RFWD3: variants seen among roughly 807,000 people sequenced by gnomAD.
RFWD3 encodes the protein E3 ubiquitin-protein ligase RFWD3.
Under a neutral mutation model 87.7 loss-of-function variants are expected in RFWD3, and 65 were observed. The ratio of observed to expected loss-of-function variants is 0.74; its 90% CI spans 0.61 to 0.91. The LOEUF is 0.91. RFWD3 is among the 40% of genes least tolerant of loss of function. The pLI is 0.00. For missense variants in RFWD3, 1,078 were observed against 938.5 expected (o/e 1.15, Z -1.94); for synonymous variants, 433 against 352.8 (o/e 1.23, Z -2.55).
rs746186531 is a variant in RFWD3, at chr16:74,636,486, T to C, written c.1286A>G (p.Gln429Arg). The change falls in exon 8 of 13, where the codon CAG becomes CGG. Residue 429 changes from glutamine to arginine, a missense_variant. Transcript: ENST00000361070. ...GTGGTACTTGTGCTTGTGCTGGCCC[T>C]GGCTGGAGGGTGAGCAGCTCAGGAC... ...AWVLSCSPSS[Q>R]GQHKHKYHFQ... is the part of the protein sequence containing the mutation. 6.2e-7 allele frequency: 1 copy of C among 1,614,104 alleles called. No individual in the cohort carries two copies. The highest frequency in any genetic ancestry group is 2.2e-5 in the East Asian group (1 of 44,872).
chr16:74,652,281 G>C (rs1960631121), intron 2 of RFWD3, among the ~76,000 whole-genome samples, 159 bp from the exon 3 acceptor site: 1 of 151,720 alleles, frequency 6.6e-6, no homozygotes, highest in Admixed American at 6.6e-5. Context: ...AAGGGGGGGA[G>C]ACTGGCCTCC....
At position 74,644,363 on chromosome 16, in the gene RFWD3, T is replaced by C. The variant is rs140028690; in HGVS notation, c.1078A>G (p.Ser360Gly). The change falls in exon 6 of 13, where the codon AGT becomes GGT. Residue 360 changes from serine (S) to glycine (G), a missense_variant and splice_region_variant. Physicochemically the swap from Ser to Gly is moderately conservative, Grantham distance 56. Transcript: ENST00000361070. ...GCCAGGCATACTCTTACCACCTACC[T>C]TTTCATGCGCTCCTGTTCACTAGTG... ...LDTSEQERMK[S>G]SLLKEQMLRK... The C allele has an allele frequency of 6.2e-7, 1 of 1,614,004 alleles. No homozygotes were observed. Among genetic ancestry groups the C allele is most frequent in the Non-Finnish European group, 8.5e-7 (1 of 1,179,954 alleles).
In RFWD3 at chr16:74,652,003, C is replaced by T. The variant is rs918463925; in HGVS notation, c.638G>A (p.Ser213Asn). ...PVSEELQVSSSSDSDSDSSAE... is the reference protein window; with the variant it reads ...PVSEELQVSSNSDSDSDSSAE... ...AGAGCTGTCACTGTCAGAATCAGAACTACTAGACACCTGCAACTCTTCAGA... is the reference window on the plus strand; with the variant it reads ...AGAGCTGTCACTGTCAGAATCAGAATTACTAGACACCTGCAACTCTTCAGA... The change falls in exon 3 of 13, where the codon AGT becomes AAT. Residue 213 changes from serine to asparagine, a missense_variant. By Grantham distance (46) the Ser-to-Asn change is conservative. Transcript: ENST00000361070. 1 of 1,613,992 alleles carries T rather than the reference C, an allele frequency of 6.2e-7. No homozygotes were observed. Among genetic ancestry groups the T allele is most frequent in the Non-Finnish European group, 8.5e-7 (1 of 1,180,012 alleles).
intron 11 of RFWD3, among the ~76,000 whole-genome samples, chr16:74,627,725 C>G (rs1958977590): frequency 6.6e-6 from 1 of 152,202 alleles, no homozygotes; most frequent in Admixed American, 6.5e-5. Flanking sequence ...ATGGGTCAGG[C>G]AGGCATTAGG....
intron 4 of RFWD3, among the ~76,000 whole-genome samples, chr16:74,646,716 G>A (rs1430286096): frequency 6.6e-6 from 1 of 152,110 alleles, no homozygotes; most frequent in Non-Finnish European, 1.5e-5. Context: ...AACTCAGGAG[G>A]TGGAAAGAAA....
At chr16:74,649,941 T>C (rs923122151) in intron 3 of RFWD3, among the ~76,000 whole-genome samples, 1 of 152,190 alleles carries the variant, frequency 6.6e-6, no homozygotes, top group Non-Finnish European at 1.5e-5. Context: ...AATTGAGCAT[T>C]GTGCAACCAC....
chr16:74,656,308 CAAAAAAAAAAAA>C (rs71158534), intron 2 of RFWD3, among the ~76,000 whole-genome samples: 1 of 64,220 alleles, frequency 1.6e-5, no homozygotes, highest in Non-Finnish European at 2.7e-5. Context: ...CTTGTCTTGC[CAAAAAAAAAAAA>C]AAAAAAAAAA....
In RFWD3 at chr16:74,624,045, C is replaced by A. The variant is rs767360542; in HGVS notation, c.2208G>T (p.Leu736Phe). 1 of 1,613,544 alleles carries A rather than the reference C, an allele frequency of 6.2e-7. No homozygotes were observed. Among genetic ancestry groups the A allele is most frequent in the Non-Finnish European group, 8.5e-7 (1 of 1,179,878 alleles). ...GCTGATCGGTCTGTAGGTCCTGGAG[C>A]AACGAGCCACTGGCAGCATCCCACA... is the stretch of plus-strand genomic sequence containing the variant. ...ALLWDAASGSLLQDLQTDQPV... is the reference protein window; with the variant it reads ...ALLWDAASGSFLQDLQTDQPV... The change falls in exon 13 of 13, where the codon TTG becomes TTT. Residue 736 changes from leucine to phenylalanine, a missense_variant. Transcript: ENST00000361070.
chr16:74,645,261 T>C (rs1006494365), intron 4 of RFWD3, among the ~76,000 whole-genome samples: 1 of 152,222 alleles, frequency 6.6e-6, no homozygotes, highest in African/African-American at 2.4e-5. Flanking sequence ...GTGGCACACA[T>C]TTCTGGAGCA....
intron 10 of RFWD3, among the ~76,000 whole-genome samples, chr16:74,629,260 T>C (rs900297022): frequency 2.0e-4 from 31 of 152,362 alleles, no homozygotes; most frequent in African/African-American, 7.0e-4. Flanking sequence ...TGCCAAAGTG[T>C]CTACTTTGCC....
chr16:74,664,141 G>T (rs1961687431), intron 1 of RFWD3, among the ~76,000 whole-genome samples: 1 of 152,136 alleles, frequency 6.6e-6, no homozygotes, highest in Admixed American at 6.6e-5. Flanking sequence ...TTGTATAGAT[G>T]GGGTTTCCCA....
At chr16:74,640,916 G>C (rs781526832) in intron 6 of RFWD3, among the ~76,000 whole-genome samples, 2 of 152,132 alleles carry the variant, frequency 1.3e-5, no homozygotes, top group African/African-American at 4.8e-5. Flanking sequence ...TCCAGCCTGG[G>C]CGACAGAGCG....
intron 2 of RFWD3, among the ~76,000 whole-genome samples, chr16:74,652,390 A>C (rs1164708414): frequency 6.6e-6 from 1 of 152,110 alleles, no homozygotes; most frequent in Non-Finnish European, 1.5e-5. Flanking sequence ...GCATCTGGCC[A>C]TATTGTCAGT....
rs948444422 is a variant in RFWD3, at chr16:74,622,870, T to A, written c.*1058A>T. ...TCACATGGGGAAGGCTTTAACTGGA[T>A]AACTGGAATGTATAAAGAACACTTA... is the stretch of plus-strand genomic sequence containing the variant. On this transcript the variant is annotated 3_prime_UTR_variant, in exon 13 of 13. Coordinates refer to ENST00000361070, the MANE Select transcript of RFWD3 (RefSeq NM_018124.4). The A allele has an allele frequency of 2.0e-5, 3 of 152,186 alleles. No individual in the cohort carries two copies. The highest frequency in any genetic ancestry group is 7.2e-5 in the African/African-American group (3 of 41,452). The allele number at this position is 152,186 out of a possible 1,614,324, so 9.4% of individuals were successfully genotyped here. A position where few individuals can be genotyped will look rare whatever the true frequency, so the allele number is the denominator to read the frequency against.
At chr16:74,648,713 T>G (rs999889790) in intron 4 of RFWD3, among the ~76,000 whole-genome samples, 6 of 151,542 alleles carry the variant, frequency 4.0e-5, no homozygotes, top group African/African-American at 1.2e-4. Flanking sequence ...CAGAGGTTAT[T>G]GTGGTGAGCT....
rs527656202 is a variant in RFWD3 at position 74,654,917 on chromosome 16, G to C, written c.519-2795C>G. Among the ~76,000 whole-genome samples the C allele has an allele frequency of 2.0e-5, 3 of 152,302 alleles. No individual in the cohort carries two copies. The South Asian group carries it at 6.2e-4, about 32-fold the overall frequency. On this transcript the variant is annotated intron_variant, in intron 2 of 12. Transcript: ENST00000361070. ...CTCTCTTTAATTCTGTGAAAGCTGA[G>C]AAGTGAGGAAGCTGCAGGAAGTTGG...
At chr16:74,637,113 A>C (rs1434299964) in intron 7 of RFWD3, among the ~76,000 whole-genome samples, 1 of 136,330 alleles carries the variant, frequency 7.3e-6, no homozygotes, top group Non-Finnish European at 1.5e-5. Flanking sequence ...GGTTTCGTTT[A>C]AAGTCCTTTA....
At chr16:74,626,584 A>G (rs774578244) in intron 11 of RFWD3, 30 bp from the exon 12 acceptor site, 28 of 1,579,376 alleles carry the variant, frequency 1.8e-5, no homozygotes, top group Non-Finnish European at 2.2e-5. Flanking sequence ...GTGCTGCACC[A>G]TGGGGACGCT....
rs1407569703 is a variant in RFWD3, at chr16:74,630,892, C to T, written c.1643G>A (p.Cys548Tyr). ...AGRPVWSCCW[C>Y]LDEANYIYAG... ...ATAGATGTAGTTAGCCTCATCAAGA[C>T]ACCAGCAACAGCTCCAGACAGGACG... is the stretch of plus-strand genomic sequence containing the variant. The change falls in exon 10 of 13, where the codon TGT (cysteine) becomes TAT (tyrosine). Residue 548 changes from cysteine (C) to tyrosine (Y), a missense_variant. By Grantham distance (194) the Cys-to-Tyr change is radical (BLOSUM62 -2). Transcript: ENST00000361070. 3 of 1,614,052 alleles carry T rather than the reference C, an allele frequency of 1.9e-6. No individual in the cohort carries two copies. The highest frequency in any genetic ancestry group is 1.3e-5 in the African/African-American group (1 of 75,040).
Sources: gnomAD v4.1 joint callset for allele counts (sites outside exome capture counted in the v4.1 genomes callset) on GRCh38, gnomAD v4.1.1 for gene constraint, MANE v1.5 for transcripts, NCBI Gene and HGNC (gene_info 2026-07-23, HGNC 2026-07-21) for gene names.